The following TRAPPC9 variants were observed in gnomAD, a reference collection of about 807,000 sequenced individuals.
TRAPPC9 encodes the protein IKK2 binding protein.
TRAPPC9 carries 83 observed loss-of-function variants against 124.0 expected under a neutral mutation model. The observed-to-expected ratio is 0.67, with a 90% CI of 0.56 to 0.80. The LOEUF (loss-of-function observed/expected upper bound fraction) is 0.80. Ranked by LOEUF, TRAPPC9 falls within the 30% of genes least tolerant of loss-of-function variation. The probability of loss-of-function intolerance (pLI) is 0.00; values close to 1 mark genes in which losing one functional copy is unlikely to be tolerated. For synonymous variants in TRAPPC9, 638 were observed against 617.5 expected (o/e 1.03, Z -0.49); for missense variants, 1,302 against 1,508.3 (o/e 0.86, Z 2.27).
chr8:140,122,466 T>C (rs2130624482), intron 17 of TRAPPC9, among the ~76,000 whole-genome samples: 1 of 152,342 alleles, frequency 6.6e-6, no homozygotes, highest in African/African-American at 2.4e-5. Context: ...CTATTGCATA[T>C]AGTAGGAGTG....
chr8:140,145,987 A>G (rs1029173228), intron 17 of TRAPPC9, among the ~76,000 whole-genome samples: 1 of 152,264 alleles, frequency 6.6e-6, no homozygotes, highest in East Asian at 1.9e-4. Context: ...CATCCTCAAC[A>G]TCTCTCCTGT....
intron 17 of TRAPPC9, among the ~76,000 whole-genome samples, chr8:140,038,243 C>T (rs1841039511): frequency 6.6e-6 from 1 of 152,152 alleles, no homozygotes; most frequent in Non-Finnish European, 1.5e-5. Context: ...TGGCCCAGGG[C>T]AAGGATTCCA....
chr8:139,847,313 A>G (rs1340687984), intron 21 of TRAPPC9, among the ~76,000 whole-genome samples: 1 of 152,250 alleles, frequency 6.6e-6, no homozygotes. Context: ...TGAGGTGAAA[A>G]ACAAATGGAA....
In TRAPPC9 at chr8:140,314,582, C is replaced by T. The variant is rs1319209628; in HGVS notation, c.1496-3208G>A. The stretch of plus-strand genomic sequence containing the variant: ...CTAGAGCATTGTATCCACTGTCCAT[C>T]CTCTCCCCATCTCCCTTCTCCCAAC... On this transcript the variant is annotated intron_variant, in intron 9 of 22. Transcript: ENST00000438773. Among the ~76,000 whole-genome samples, 4 of 152,216 alleles carry T rather than the reference C, an allele frequency of 2.6e-5. No individual in the cohort carries two copies. The South Asian group carries it at 6.2e-4, about 24-fold the overall frequency.
At chr8:140,334,475 C>A (rs903596826) in intron 9 of TRAPPC9, among the ~76,000 whole-genome samples, 1 of 152,004 alleles carries the variant, frequency 6.6e-6, no homozygotes, top group Non-Finnish European at 1.5e-5. Flanking sequence ...CGTGGTGAAA[C>A]CCCATCTCTA....
intron 17 of TRAPPC9, among the ~76,000 whole-genome samples, chr8:140,110,192 A>G (rs913908661): frequency 6.6e-6 from 1 of 150,794 alleles, no homozygotes; most frequent in African/African-American, 2.4e-5. Context: ...CTCTGGCAGC[A>G]GCTCCCCCAT....
intron 15 of TRAPPC9, among the ~76,000 whole-genome samples, chr8:140,269,064 G>T (rs57612034): frequency 0.25 from 37,437 of 151,942 alleles, 5,038 homozygotes; most frequent in African/African-American, 0.35. Context: ...CCTGATAAGG[G>T]TTTGCGTTAG....
At chr8:139,733,809 G>A (rs1432898983) in intron 21 of TRAPPC9, among the ~76,000 whole-genome samples, 2 of 152,206 alleles carry the variant, frequency 1.3e-5, no homozygotes, top group Non-Finnish European at 2.9e-5. Flanking sequence ...ACAGCCCTCT[G>A]CCCTTGACCT....
chr8:140,021,248 C>T (rs1182062994), intron 18 of TRAPPC9, among the ~76,000 whole-genome samples: 4 of 152,118 alleles, frequency 2.6e-5, no homozygotes, highest in Non-Finnish European at 5.9e-5. Context: ...CATTTTATGT[C>T]TTCTGGCTTA....
intron 21 of TRAPPC9, among the ~76,000 whole-genome samples, chr8:139,762,800 G>A (rs1326402000): frequency 6.6e-6 from 1 of 152,204 alleles, no homozygotes; most frequent in Non-Finnish European, 1.5e-5. Context: ...GCTGTCTCAG[G>A]TCTCAGCTGC....
At chr8:140,094,613 T>C (rs1235884866) in intron 17 of TRAPPC9, among the ~76,000 whole-genome samples, 1 of 151,718 alleles carries the variant, frequency 6.6e-6, no homozygotes, top group Non-Finnish European at 1.5e-5. Flanking sequence ...GGCAGCAGAG[T>C]AGAGGGGAGG....
intron 5 of TRAPPC9, among the ~76,000 whole-genome samples, chr8:140,418,395 A>G (rs893675304): frequency 6.6e-6 from 1 of 152,254 alleles, no homozygotes. Context: ...AACAGACATC[A>G]AAAGAAAACT....
intron 15 of TRAPPC9, among the ~76,000 whole-genome samples, chr8:140,263,680 G>A (rs888602278): frequency 6.6e-6 from 1 of 152,108 alleles, no homozygotes; most frequent in Non-Finnish European, 1.5e-5. Flanking sequence ...CACTAGGAGG[G>A]GACAATGGTC....
intron 18 of TRAPPC9, among the ~76,000 whole-genome samples, chr8:140,014,897 C>T (rs1278573555): frequency 6.6e-6 from 1 of 152,074 alleles, no homozygotes. Flanking sequence ...TCTAGCAGGC[C>T]GTGAATAAAT....
intron 16 of TRAPPC9, among the ~76,000 whole-genome samples, chr8:140,232,054 G>A (rs1261256043): frequency 1.3e-5 from 2 of 151,886 alleles, no homozygotes; most frequent in African/African-American, 2.4e-5. Flanking sequence ...GATTACAGGC[G>A]TGAGCCACTG....
rs185216492 is a variant in TRAPPC9 at position 140,078,933 on chromosome 8, G to C, written c.2557-54854C>G. Among the ~76,000 whole-genome samples the C allele has an allele frequency of 1.8e-4, 27 of 152,236 alleles. No homozygotes were observed. The East Asian group carries it at 4.6e-3, about 26-fold the overall frequency. On this transcript the variant is annotated intron_variant, in intron 17 of 22. Coordinates refer to ENST00000438773, the MANE Select transcript of TRAPPC9 (RefSeq NM_001160372.4). Reference sequence around the variant, plus strand: ...TACAGCTTTCCAGTGATATGGTTTGGCTGTGTCCCCACCCAAATCTTATCT... The same window carrying C: ...TACAGCTTTCCAGTGATATGGTTTGCCTGTGTCCCCACCCAAATCTTATCT...
intron 21 of TRAPPC9, among the ~76,000 whole-genome samples, chr8:139,821,184 G>A (rs1413960081): frequency 1.3e-5 from 2 of 152,250 alleles, no homozygotes; most frequent in African/African-American, 4.8e-5. Context: ...GGGCATCTAA[G>A]GAGAGAAATC....
chr8:140,028,047 C>CA (rs1840264204), intron 17 of TRAPPC9, among the ~76,000 whole-genome samples: 1 of 152,104 alleles, frequency 6.6e-6, no homozygotes, highest in South Asian at 2.1e-4. Context: ...AGTTCAGTGT[C>CA]ACTGCCTTAC....
intron 19 of TRAPPC9, among the ~76,000 whole-genome samples, chr8:139,918,510 G>A (rs1386505060): frequency 6.6e-6 from 1 of 152,222 alleles, no homozygotes; most frequent in Non-Finnish European, 1.5e-5. Context: ...ACCAGAGCGT[G>A]AGCAAACCGG....
Sources: gnomAD v4.1 joint callset for allele counts (sites outside exome capture counted in the v4.1 genomes callset) on GRCh38, gnomAD v4.1.1 for gene constraint, MANE v1.5 for transcripts, NCBI Gene and HGNC (gene_info 2026-07-23, HGNC 2026-07-21) for gene names.